The following UBR1 variants were observed in gnomAD, a reference collection of about 807,000 sequenced individuals.
The protein encoded by UBR1 is E3 ubiquitin-protein ligase UBR1.
A neutral mutation model predicts 242.1 loss-of-function variants in UBR1; 102 were observed. The ratio of observed to expected loss-of-function variants is 0.42; its 90% CI spans 0.36 to 0.50. The LOEUF (loss-of-function observed/expected upper bound fraction) is 0.50, where lower values mean the gene tolerates loss of function less well. Ranked by LOEUF, UBR1 falls within the 20% of genes least tolerant of loss-of-function variation. The probability of loss-of-function intolerance (pLI) is 0.01; values close to 1 mark genes in which losing one functional copy is unlikely to be tolerated. For missense variants in UBR1, 1,772 were observed against 2,101.8 expected (o/e 0.84, Z 3.07); for synonymous variants, 675 against 684.8 (o/e 0.99, Z 0.22).
chr15:43,014,852 C>T (rs1330910252), intron 29 of UBR1, among the ~76,000 whole-genome samples: 2 of 150,882 alleles, frequency 1.3e-5, no homozygotes, highest in South Asian at 4.2e-4. Context: ...AGCCCCCGCC[C>T]GGCCAGCCGC....
At chr15:42,977,993 G>T (rs1244822895) in intron 37 of UBR1, 46 bp from the exon 38 acceptor site, 1 of 1,507,136 alleles carries the variant, frequency 6.6e-7, no homozygotes, top group East Asian at 2.3e-5. Context: ...TAAGATAGCA[G>T]TGTAGGTAAA....
intron 32 of UBR1, among the ~76,000 whole-genome samples, chr15:43,000,247 CTGAG>C (rs1342777501): frequency 6.6e-6 from 1 of 152,102 alleles, no homozygotes; most frequent in African/African-American, 2.4e-5. Flanking sequence ...ATTTCAGATC[CTGAG>C]TAACAGAATT....
At chr15:43,018,444 C>T (rs2033060216) in intron 27 of UBR1, among the ~76,000 whole-genome samples, 1 of 152,182 alleles carries the variant, frequency 6.6e-6, no homozygotes, top group African/African-American at 2.4e-5. Flanking sequence ...GGCTGGAGTG[C>T]AATGGCACAA....
At chr15:43,057,239 T>A (rs1333162925) in intron 10 of UBR1, among the ~76,000 whole-genome samples, 5 of 152,232 alleles carry the variant, frequency 3.3e-5, no homozygotes, top group Non-Finnish European at 7.3e-5. Flanking sequence ...CCATCACTGC[T>A]GAAGGATAAG....
chr15:43,067,593 TATTC>T (rs945201076), intron 6 of UBR1, among the ~76,000 whole-genome samples: 8 of 152,202 alleles, frequency 5.3e-5, no homozygotes, highest in Non-Finnish European at 1.0e-4. Flanking sequence ...TTCATACACT[TATTC>T]ATTCATTCAA....
At chr15:42,966,059 G>A in intron 41 of UBR1, 94 bp downstream of exon 41, 5 of 1,577,400 alleles carry the variant, frequency 3.2e-6, no homozygotes, top group Non-Finnish European at 3.5e-6. Context: ...AGGAGAAGTG[G>A]TTTTATCTGC....
chr15:42,983,341 T>C (rs375843171), intron 37 of UBR1, among the ~76,000 whole-genome samples: 355 of 152,052 alleles, frequency 2.3e-3, no homozygotes, highest in Non-Finnish European at 3.0e-3. Flanking sequence ...TTGAAAATAT[T>C]TGGAAAATAC....
intron 46 of UBR1, among the ~76,000 whole-genome samples, chr15:42,949,929 C>T (rs1350766480): frequency 6.6e-6 from 1 of 151,110 alleles, no homozygotes; most frequent in East Asian, 2.0e-4. Context: ...ACTGCAACCT[C>T]CTGGGTTCAA....
In UBR1 at chr15:42,943,039, T is replaced by C. The variant is rs1165183551; in HGVS notation, c.*2290A>G. 1.3e-5 allele frequency: 2 copies of C among 152,616 alleles called. No individual in the cohort carries two copies. The highest frequency in any genetic ancestry group is 6.5e-5 in the Admixed American group (1 of 15,268). 9.5% of individuals were successfully genotyped at this position (152,616 alleles called of 1,614,324 possible). A position where few individuals can be genotyped will look rare whatever the true frequency, so the allele number is the denominator to read the frequency against. ...TCATCATGGATGGAATTTGAATCAG[T>C]GGTATAAACATGTTGCAGTCACTAA... On this transcript the variant is annotated 3_prime_UTR_variant, in exon 47 of 47. Coordinates refer to ENST00000290650, the MANE Select transcript of UBR1 (RefSeq NM_174916.3).
At chr15:42,950,787 G>A (rs1331792790) in intron 45 of UBR1, among the ~76,000 whole-genome samples, 1 of 152,198 alleles carries the variant, frequency 6.6e-6, no homozygotes, top group Admixed American at 6.5e-5. Context: ...ATATCAACTA[G>A]GGAAGTATGC....
intron 15 of UBR1, among the ~76,000 whole-genome samples, chr15:43,040,920 G>A (rs540938779): frequency 5.9e-4 from 90 of 152,148 alleles, no homozygotes; most frequent in African/African-American, 2.0e-3. Context: ...TTAGAATGGC[G>A]ATCATTAAAA....
At chr15:43,009,691 G>C (rs544611692) in intron 29 of UBR1, among the ~76,000 whole-genome samples, 1 of 152,218 alleles carries the variant, frequency 6.6e-6, no homozygotes, top group Non-Finnish European at 1.5e-5. Flanking sequence ...TCAATAGTAT[G>C]TAGTAGAGCC....
At chr15:43,020,515 T>C (rs2033095883) in intron 27 of UBR1, among the ~76,000 whole-genome samples, 1 of 152,328 alleles carries the variant, frequency 6.6e-6, no homozygotes, top group African/African-American at 2.4e-5. Context: ...CTCCTAACAG[T>C]TTCCTTACTT....
At position 42,988,915 on chromosome 15, in the gene UBR1, T is replaced by C; in HGVS notation, c.3901A>G (p.Ile1301Val). 1 of 1,612,178 alleles carries C rather than the reference T, an allele frequency of 6.2e-7. No individual in the cohort carries two copies. Among genetic ancestry groups the C allele is most frequent in the Non-Finnish European group, 8.5e-7 (1 of 1,178,214 alleles). ...KEMVILFATTIYRIGLKVPPD... is the reference protein window; with the variant it reads ...KEMVILFATTVYRIGLKVPPD... Reference sequence around the variant, plus strand: ...GGCACTTTCAATCCAATTCTATAAATTGTTGTGGCAAAGAGAATAACCATT... The same window carrying C: ...GGCACTTTCAATCCAATTCTATAAACTGTTGTGGCAAAGAGAATAACCATT... The change falls in exon 35 of 47, where the codon ATT becomes GTT. Residue 1301 changes from isoleucine to valine, a missense_variant. This residue lies in a region of UBR1 where 965 missense variants were observed against 1,079.7 expected (regional missense o/e 0.89). Transcript: ENST00000290650.
chr15:43,025,087 T>C, intron 24 of UBR1, 104 bp from the exon 25 acceptor site: 2 of 1,422,714 alleles, frequency 1.4e-6, no homozygotes, highest in Non-Finnish European at 1.9e-6. Flanking sequence ...ATAGGTTACA[T>C]GCAAAACAAC....
chr15:43,051,048 C>T (rs775323911), intron 12 of UBR1, among the ~76,000 whole-genome samples: 4 of 152,156 alleles, frequency 2.6e-5, no homozygotes, highest in Non-Finnish European at 5.9e-5. Flanking sequence ...ACAGAAATGT[C>T]ATTCAACCCG....
chr15:43,021,924 A>G (rs2033115468), intron 26 of UBR1, among the ~76,000 whole-genome samples: 1 of 152,206 alleles, frequency 6.6e-6, no homozygotes, highest in Admixed American at 6.5e-5. Context: ...ACTAAATTTA[A>G]AAATGACTTT....
rs1330852073 is a variant in UBR1 at position 42,964,022 on chromosome 15, C to T, written c.4613G>A (p.Ser1538Asn). Residue 1538 changes from serine (S) to asparagine (N), a missense_variant, in exon 42 of 47, where the codon AGT (serine) becomes AAT (asparagine). Around this residue, in one of 3 missense-constraint regions of UBR1, gnomAD observed 965 missense variants for 1,079.7 expected, o/e 0.89. Coordinates refer to ENST00000290650, the MANE Select transcript of UBR1 (RefSeq NM_174916.3). ...TAAAGATAGATAGCTACAGAGTGCA[C>T]TGTACTCTCCTTCTGCAGAATCTGC... is the stretch of plus-strand genomic sequence containing the variant. ...LHTNSAEGEY[S>N]ALCSYLSLPT... is the part of the protein sequence containing the mutation. 6.2e-7 allele frequency: 1 copy of T among 1,611,618 alleles called. No individual in the cohort carries two copies. The highest frequency in any genetic ancestry group is 8.5e-7 in the Non-Finnish European group (1 of 1,177,960).
chr15:43,092,031 C>T (rs1053651638), intron 1 of UBR1: 9 of 453,452 alleles, frequency 2.0e-5, no homozygotes, highest in Admixed American at 1.4e-4. Context: ...GGTCAGTGAG[C>T]GGAGATCATG....
Sources: allele counts gnomAD v4.1 joint callset (sites outside exome capture counted in the v4.1 genomes callset), GRCh38; gene constraint gnomAD v4.1.1; regional missense constraint gnomAD v4.1.1; transcripts MANE v1.5; gene names NCBI Gene and HGNC (gene_info 2026-07-23, HGNC 2026-07-21).